The following ABCC4 variants were observed in gnomAD, a reference collection of about 807,000 sequenced individuals.
ABCC4 encodes the protein ATP binding cassette subfamily C member 4 (PEL blood group), also known as ATP-binding cassette sub-family C member 4.
A neutral mutation model predicts 168.5 loss-of-function variants in ABCC4; 102 were observed. The ratio of observed to expected loss-of-function variants is 0.61; its 90% CI spans 0.52 to 0.71. The LOEUF is 0.71. Ranked by LOEUF, ABCC4 falls within the 30% of genes least tolerant of loss-of-function variation. The pLI is 0.00. For missense variants in ABCC4, 1,402 were observed against 1,605.8 expected, an observed-to-expected ratio of 0.87 and a Z score of 2.17; for synonymous variants, 617 against 590.7, an observed-to-expected ratio of 1.04 and a Z score of -0.65.
At chr13:95,100,698 G>A (rs965314221) in intron 20 of ABCC4, among the ~76,000 whole-genome samples, 4 of 151,960 alleles carry the variant, frequency 2.6e-5, no homozygotes, top group Non-Finnish European at 5.9e-5. Context: ...TAAATGCAGT[G>A]ACTAAAACTC....
At chr13:95,075,229 A>C (rs1382263753) in intron 22 of ABCC4, 2 of 611,722 alleles carry the variant, frequency 3.3e-6, no homozygotes, top group East Asian at 6.0e-5. Flanking sequence ...CAGGGGGCAC[A>C]AAGAGGGAAC....
chr13:95,289,161 T>C (rs1267213411), intron 1 of ABCC4, among the ~76,000 whole-genome samples: 1 of 152,212 alleles, frequency 6.6e-6, no homozygotes, highest in Non-Finnish European at 1.5e-5. Flanking sequence ...AAGCGGTCAG[T>C]TGGGTTTATT....
chr13:95,058,567 C>CAAAAAAAAAAAAAAAAAA (rs1165324016), intron 26 of ABCC4, among the ~76,000 whole-genome samples: 1 of 62,790 alleles, frequency 1.6e-5, no homozygotes, highest in African/African-American at 5.7e-5. Flanking sequence ...GACTCCATCT[C>CAAAAAAAAAAAAAAAAAA]AAAAAAAAAA....
rs184752216 is a variant in ABCC4, at chr13:95,246,635, G to T, written c.306+340C>A. Among the ~76,000 whole-genome samples the T allele has an allele frequency of 6.6e-5, 10 of 152,282 alleles. No homozygotes were observed. In the East Asian group the frequency reaches 1.9e-3, roughly 29 times the overall value. On this transcript the variant is annotated intron_variant, in intron 3 of 30. Transcript: ENST00000645237. ...GGCTGTAGGATCCTCTTTTGACCAG[G>T]AGTGACTCTTAGCATTTAAAACATT...
At chr13:95,143,864 T>C (rs1225838038) in intron 19 of ABCC4, among the ~76,000 whole-genome samples, 2 of 152,222 alleles carry the variant, frequency 1.3e-5, no homozygotes, top group African/African-American at 2.4e-5. Flanking sequence ...ATTTACTACA[T>C]AGTAAAAACT....
At chr13:95,026,315 A>C (rs2031541632) in intron 30 of ABCC4, among the ~76,000 whole-genome samples, 2 of 152,184 alleles carry the variant, frequency 1.3e-5, no homozygotes, top group Non-Finnish European at 2.9e-5. Flanking sequence ...CAATGCTGAA[A>C]AAACAGTGTG....
At chr13:95,274,805 G>C (rs1254180552) in intron 1 of ABCC4, among the ~76,000 whole-genome samples, 1 of 152,218 alleles carries the variant, frequency 6.6e-6, no homozygotes. Flanking sequence ...AGCCAGGCAT[G>C]GTGGCTTATG....
intron 2 of ABCC4, 46 bp downstream of exon 2, chr13:95,247,597 A>T: frequency 6.8e-7 from 1 of 1,474,170 alleles, no homozygotes; most frequent in Non-Finnish European, 9.5e-7. Flanking sequence ...CCCCACACAC[A>T]GACACCCACG....
At chr13:95,055,339 G>A (rs969423597) in intron 26 of ABCC4, among the ~76,000 whole-genome samples, 1 of 152,168 alleles carries the variant, frequency 6.6e-6, no homozygotes, top group African/African-American at 2.4e-5. Flanking sequence ...CAATCTTCAT[G>A]TAAAATGTAA....
At chr13:95,054,021 CTTTTTTTTTTTTTTTT>C (rs55980425) in intron 26 of ABCC4, 1 of 71,636 alleles carries the variant, frequency 1.4e-5, no homozygotes, top group East Asian at 5.8e-4. Flanking sequence ...ATGGGACATC[CTTTTTTTTTTTTTTTT>C]TTTTTTTTTT....
At chr13:95,199,034 G>A (rs1016449156) in intron 8 of ABCC4, among the ~76,000 whole-genome samples, 4 of 152,092 alleles carry the variant, frequency 2.6e-5, no homozygotes, top group African/African-American at 9.7e-5. Context: ...TAGATGATGG[G>A]TTGATGGGTG....
chr13:95,126,877 C>G (rs942501806), intron 19 of ABCC4, among the ~76,000 whole-genome samples: 5 of 146,108 alleles, frequency 3.4e-5, no homozygotes, highest in African/African-American at 1.3e-4. Context: ...TTTAAGTACA[C>G]CAAATATATA....
chr13:95,139,314 G>A (rs1440520216), intron 19 of ABCC4, among the ~76,000 whole-genome samples: 1 of 152,242 alleles, frequency 6.6e-6, no homozygotes, highest in African/African-American at 2.4e-5. Context: ...GCCCAAAGGA[G>A]GGATGAAGGA....
intron 3 of ABCC4, among the ~76,000 whole-genome samples, chr13:95,235,786 C>G (rs957782707): frequency 6.6e-6 from 1 of 152,146 alleles, no homozygotes; most frequent in Non-Finnish European, 1.5e-5. Flanking sequence ...GTTTCTGCCC[C>G]CTACAAGCCC....
At chr13:95,150,266 G>T (rs967714651) in intron 19 of ABCC4, among the ~76,000 whole-genome samples, 7 of 152,108 alleles carry the variant, frequency 4.6e-5, no homozygotes, top group Admixed American at 4.6e-4. Flanking sequence ...TGCCTGGCGA[G>T]CATGACTGTA....
At chr13:95,212,315 G>C (rs373121416) in intron 4 of ABCC4, among the ~76,000 whole-genome samples, 1 of 152,122 alleles carries the variant, frequency 6.6e-6, no homozygotes, top group African/African-American at 2.4e-5. Context: ...GAAACAGAAC[G>C]TAATGTGCCT....
chr13:95,293,665 T>C (rs1346040881), intron 1 of ABCC4, among the ~76,000 whole-genome samples: 1 of 151,954 alleles, frequency 6.6e-6, no homozygotes, highest in Non-Finnish European at 1.5e-5. Context: ...CGGGGTTTCA[T>C]TACGTTGGCC....
chr13:95,108,241 T>G (rs1456900275), intron 20 of ABCC4, among the ~76,000 whole-genome samples: 1 of 152,182 alleles, frequency 6.6e-6, no homozygotes, highest in East Asian at 1.9e-4. Flanking sequence ...ATATCTAAAA[T>G]ATCATAGGCT....
intron 25 of ABCC4, among the ~76,000 whole-genome samples, chr13:95,064,605 G>T (rs981389217): frequency 1.3e-5 from 2 of 151,928 alleles, no homozygotes; most frequent in East Asian, 3.9e-4. Context: ...TTGAGAATGT[G>T]TGGACACTCA....
Sources: gnomAD v4.1 joint callset for allele counts (sites outside exome capture counted in the v4.1 genomes callset) on GRCh38, gnomAD v4.1.1 for gene constraint, MANE v1.5 for transcripts, NCBI Gene and HGNC (gene_info 2026-07-23, HGNC 2026-07-21) for gene names.